The following MKRN2 variants were observed in gnomAD, a reference collection of about 807,000 sequenced individuals.
MKRN2 encodes the protein makorin ring finger protein 2, also known as E3 ubiquitin-protein ligase makorin-2.
MKRN2 carries 32 observed loss-of-function variants against 45.4 expected under a neutral mutation model. The observed-to-expected ratio is 0.70, with a 90% CI of 0.53 to 0.95. The LOEUF is 0.95. Among genes scored for constraint, MKRN2 ranks in the 40% least tolerant of loss-of-function variants. The pLI is 0.00. For missense variants in MKRN2, 526 were observed against 536.7 expected (o/e 0.98, Z 0.20); for synonymous variants, 206 against 192.4 (o/e 1.07, Z -0.59).
At chr3:12,574,637 C>G (rs1287890350) in intron 4 of MKRN2, among the ~76,000 whole-genome samples, 155 bp from the exon 5 acceptor site, 1 of 152,234 alleles carries the variant, frequency 6.6e-6, no homozygotes, top group East Asian at 1.9e-4. Context: ...ATGTCAGTGT[C>G]CTGACTTGGG....
chr3:12,576,933 G>GTTTTTTTTT (rs71063832), intron 6 of MKRN2, 192 bp downstream of exon 6: 4 of 55,972 alleles, frequency 7.1e-5, no homozygotes, highest in African/African-American at 2.5e-4. Context: ...TAGTTTTGGT[G>GTTTTTTTTT]TTTTTTTTTT....
In MKRN2 at chr3:12,558,389, G is replaced by T. The variant is rs1012846551; in HGVS notation, c.26+1213G>T. ...TTTTTATTTGTATAAAGTTTCTCCT[G>T]CTGGAGGAAGTATTCCTAGGTCATT... is the stretch of plus-strand genomic sequence containing the variant. On this transcript the variant is annotated intron_variant, in intron 1 of 7. Coordinates refer to ENST00000170447, the MANE Select transcript of MKRN2 (RefSeq NM_014160.5). Among the ~76,000 whole-genome samples the T allele has an allele frequency of 3.3e-5, 5 of 152,276 alleles. No homozygotes were observed. In the South Asian group the frequency reaches 6.2e-4, roughly 19 times the overall value.
At position 12,582,231 on chromosome 3, in the gene MKRN2, G is replaced by T; in HGVS notation, c.1229G>T (p.Gly410Val). 1 of 1,614,096 alleles carries T rather than the reference G, an allele frequency of 6.2e-7. No individual in the cohort carries two copies. The highest frequency in any genetic ancestry group is 8.5e-7 in the Non-Finnish European group (1 of 1,180,024). Residue 410 changes from glycine (G) to valine (V), a missense_variant, in exon 8 of 8, where the codon GGA becomes GTA. Physicochemically the swap from Gly to Val is moderately radical, Grantham distance 109. Transcript: ENST00000170447. Reference sequence around the variant, plus strand: ...GGGGACCTCTTCATGCACCTTTCTGGAGTGGAATCATCAGAACCCTAAAGA... The same window carrying T: ...GGGGACCTCTTCATGCACCTTTCTGTAGTGGAATCATCAGAACCCTAAAGA... ...ELGDLFMHLS[G>V]VESSEP
chr3:12,576,838 G>T (rs189302031), intron 6 of MKRN2, 97 bp downstream of exon 6: 7 of 770,646 alleles, frequency 9.1e-6, no homozygotes, highest in Middle Eastern at 2.5e-4. Context: ...GGTCTTAGGG[G>T]CCTCTTCCTC....
At chr3:12,578,840 T>G (rs2058159664) in intron 6 of MKRN2, among the ~76,000 whole-genome samples, 1 of 151,712 alleles carries the variant, frequency 6.6e-6, no homozygotes, top group Admixed American at 6.6e-5. Context: ...ATGTTGCATA[T>G]TAGTTTACTA....
intron 1 of MKRN2, 107 bp downstream of exon 1, chr3:12,557,283 A>G: frequency 2.8e-6 from 4 of 1,425,216 alleles, no homozygotes; most frequent in Non-Finnish European, 3.7e-6. Context: ...CGGGACTCGG[A>G]AAGTTACTCG....
rs1575521392 is a variant in MKRN2, at chr3:12,574,655, G to A, written c.643-137G>A. 1.6e-5 allele frequency: 13 copies of A among 788,702 alleles called. No individual in the cohort carries two copies. The East Asian group carries it at 3.2e-4, about 19-fold the overall frequency. The allele number at this position is 788,702 out of a possible 1,614,324, so 48.9% of individuals were successfully genotyped here. On this transcript the variant is annotated intron_variant, in intron 4 of 7. Coordinates refer to ENST00000170447, the MANE Select transcript of MKRN2 (RefSeq NM_014160.5). ...TCAGTGTCCTGACTTGGGGGAGCCT[G>A]GGCCTTTGCTCACAGCAGTCGCTGT...
intron 5 of MKRN2, among the ~76,000 whole-genome samples, chr3:12,575,881 A>G (rs2058132007): frequency 6.6e-6 from 1 of 152,046 alleles, no homozygotes; most frequent in South Asian, 2.1e-4. Context: ...AATATGTTCC[A>G]TTGTATGGAC....
At chr3:12,562,667 CA>C (rs1349925363) in intron 1 of MKRN2, among the ~76,000 whole-genome samples, 1 of 152,102 alleles carries the variant, frequency 6.6e-6, no homozygotes, top group Admixed American at 6.6e-5. Flanking sequence ...AGCCACTCCC[CA>C]TCACTCACAT....
rs78927859 is a variant in MKRN2 at position 12,560,409 on chromosome 3, C to T, written c.26+3233C>T. Among the ~76,000 whole-genome samples, 69 of 151,196 alleles carry T rather than the reference C, an allele frequency of 4.6e-4. No individual in the cohort carries two copies. The East Asian group carries it at 0.011, about 23-fold the overall frequency. On this transcript the variant is annotated intron_variant, in intron 1 of 7. Transcript: ENST00000170447. ...GTGCCTACCATTTGCTTCCTTCCCCCTCAGTGGATCTGCTGTCACAAGGAG... is the reference window on the plus strand; with the variant it reads ...GTGCCTACCATTTGCTTCCTTCCCCTTCAGTGGATCTGCTGTCACAAGGAG...
intron 3 of MKRN2, 131 bp downstream of exon 3, chr3:12,570,383 G>A (rs1342119760): frequency 2.2e-6 from 2 of 926,648 alleles, no homozygotes; most frequent in Non-Finnish European, 3.2e-6. Context: ...TGCGCGGAGA[G>A]ACTTCAGAAC....
chr3:12,580,708 C>T (rs1427158772), intron 6 of MKRN2, among the ~76,000 whole-genome samples: 4 of 152,210 alleles, frequency 2.6e-5, no homozygotes, highest in Non-Finnish European at 4.4e-5. Context: ...ATCCACCCAC[C>T]TTGGCCTCCC....
rs1000368371 is a variant in MKRN2, at chr3:12,561,181, A to G, written c.26+4005A>G. 8 of 152,352 alleles carry G rather than the reference A, an allele frequency of 5.3e-5. No homozygotes were observed. In the South Asian group the frequency reaches 1.7e-3, roughly 32 times the overall value. 9.4% of individuals were successfully genotyped at this position (152,352 alleles called of 1,614,324 possible). A position where few individuals can be genotyped will look rare whatever the true frequency, so the allele number is the denominator to read the frequency against. Reference sequence around the variant, plus strand: ...TTTAAATCTCAGCTCAGTCACTTACAGAAGTGAAGTGGCTTTTATGAAGTC... The same window carrying G: ...TTTAAATCTCAGCTCAGTCACTTACGGAAGTGAAGTGGCTTTTATGAAGTC... On this transcript the variant is annotated intron_variant, in intron 1 of 7. Coordinates refer to ENST00000170447, the MANE Select transcript of MKRN2 (RefSeq NM_014160.5).
At chr3:12,557,570 C>G (rs1017275021) in intron 1 of MKRN2, among the ~76,000 whole-genome samples, 4 of 152,204 alleles carry the variant, frequency 2.6e-5, no homozygotes, top group Admixed American at 1.3e-4. Context: ...ATGGGGATAC[C>G]ACATAGGAGT....
chr3:12,574,536 A>G (rs1206744741), intron 4 of MKRN2, among the ~76,000 whole-genome samples: 1 of 152,198 alleles, frequency 6.6e-6, no homozygotes, highest in Non-Finnish European at 1.5e-5. Context: ...CCGTGTTCTC[A>G]GTCCTAAATG....
chr3:12,569,548 G>C (rs1024290332), intron 2 of MKRN2, among the ~76,000 whole-genome samples: 1 of 152,176 alleles, frequency 6.6e-6, no homozygotes, highest in Non-Finnish European at 1.5e-5. Context: ...ACTTGTTCAT[G>C]CTTTTGTAGC....
At position 12,582,511 on chromosome 3, in the gene MKRN2, CAACT is replaced by C. The variant is rs1414153189; in HGVS notation, c.*262_*265del. On this transcript the variant is annotated 3_prime_UTR_variant, in exon 8 of 8. Transcript: ENST00000170447. ...TACACCTCAAGCCCCTCAGGGGTAA[CAACT>C]AACAAACACCCAAACTGTTTGGATT... 11 of 391,154 alleles carry C rather than the reference CAACT, an allele frequency of 2.8e-5. No homozygotes were observed. Among genetic ancestry groups the C allele is most frequent in the African/African-American group, 6.0e-5 (3 of 50,268 alleles). The allele number at this position is 391,154 out of a possible 1,614,324, so 24.2% of individuals were successfully genotyped here.
In MKRN2 at chr3:12,574,920, G is replaced by T. The variant is rs771506640; in HGVS notation, c.771G>T (p.Gly257=). ...EKASASERRF[G]ILSNCNHTYC... The stretch of plus-strand genomic sequence containing the variant: ...CCTCTGCTTCTGAGAGGAGATTTGG[G>T]ATTCTCTCCAATTGCAATCACACGT... Residue 257 remains glycine (G), a synonymous_variant, in exon 5 of 8, where the codon GGG becomes GGT. Transcript: ENST00000170447. 6 of 1,614,228 alleles carry T rather than the reference G, an allele frequency of 3.7e-6. No individual in the cohort carries two copies. The Admixed American group carries it at 1.0e-4, about 27-fold the overall frequency.
At chr3:12,579,118 C>T (rs899810896) in intron 6 of MKRN2, among the ~76,000 whole-genome samples, 7 of 152,144 alleles carry the variant, frequency 4.6e-5, no homozygotes, top group African/African-American at 1.7e-4. Context: ...TGAGTACTCA[C>T]TATGGGTCAG....
Sources: allele counts gnomAD v4.1 joint callset (sites outside exome capture counted in the v4.1 genomes callset), GRCh38; gene constraint gnomAD v4.1.1; transcripts MANE v1.5; gene names NCBI Gene and HGNC (gene_info 2026-07-23, HGNC 2026-07-21).